The following SLC10A7 variants were observed in gnomAD, a reference collection of about 807,000 sequenced individuals.
SLC10A7 encodes solute carrier family 10 member 7.
In SLC10A7, 29 loss-of-function variants were observed where a neutral mutation model predicts 43.2. That is an observed-to-expected ratio of 0.67 (90% CI 0.50 to 0.92). The LOEUF (loss-of-function observed/expected upper bound fraction) is 0.92. Ranked by LOEUF, SLC10A7 falls within the 40% of genes least tolerant of loss-of-function variation. The pLI, the probability that SLC10A7 is intolerant of heterozygous loss-of-function variation, is 0.00. For synonymous variants in SLC10A7, 152 were observed against 144.8 expected, an observed-to-expected ratio of 1.05 and a Z score of -0.35; for missense variants, 295 against 403.2, an observed-to-expected ratio of 0.73 and a Z score of 2.30.
At chr4:146,303,177 A>G (rs1731274367) in intron 7 of SLC10A7, among the ~76,000 whole-genome samples, 1 of 152,082 alleles carries the variant, frequency 6.6e-6, no homozygotes, top group Non-Finnish European at 1.5e-5. Flanking sequence ...CCGGCTCCAG[A>G]GTTCCCCATG....
intron 5 of SLC10A7, among the ~76,000 whole-genome samples, chr4:146,388,769 C>CAAAACAA (rs55716882): frequency 1.3e-5 from 2 of 148,366 alleles, no homozygotes; most frequent in African/African-American, 5.0e-5. Flanking sequence ...AAAACAACAA[C>CAAAACAA]AACAAAAAAA....
At chr4:146,479,345 C>T (rs187561406) in intron 4 of SLC10A7, among the ~76,000 whole-genome samples, 34 of 152,052 alleles carry the variant, frequency 2.2e-4, no homozygotes, top group Non-Finnish European at 4.0e-4. Context: ...ATTCTAATAC[C>T]CTACTTTATC....
chr4:146,479,597 G>T (rs1734292634), intron 4 of SLC10A7, among the ~76,000 whole-genome samples: 1 of 152,122 alleles, frequency 6.6e-6, no homozygotes. Context: ...TAGACTGGTA[G>T]TTGCCAGAGG....
At chr4:146,489,774 G>A (rs1057004724) in intron 4 of SLC10A7, among the ~76,000 whole-genome samples, 2 of 152,080 alleles carry the variant, frequency 1.3e-5, no homozygotes, top group Non-Finnish European at 2.9e-5. Flanking sequence ...TAAAACCTGA[G>A]ACAGGGCTTT....
At chr4:146,324,823 T>C (rs1347770519) in intron 6 of SLC10A7, among the ~76,000 whole-genome samples, 1 of 152,190 alleles carries the variant, frequency 6.6e-6, no homozygotes, top group Non-Finnish European at 1.5e-5. Flanking sequence ...TCTGCGTTGG[T>C]GAAGTCCATG....
intron 5 of SLC10A7, among the ~76,000 whole-genome samples, chr4:146,331,499 T>G (rs1267435030): frequency 1.3e-5 from 2 of 152,202 alleles, no homozygotes; most frequent in Non-Finnish European, 2.9e-5. Context: ...TTTAGCATAC[T>G]TATTTCAGTA....
chr4:146,263,969 AATGTACAGC>A lies in SLC10A7; in HGVS notation c.848-5141_848-5133del, dbSNP rs1728393227. Among the ~76,000 whole-genome samples, 6 of 152,362 alleles carry A rather than the reference AATGTACAGC, an allele frequency of 3.9e-5. No homozygotes were observed. In the South Asian group the frequency reaches 1.2e-3, roughly 32 times the overall value. Reference sequence around the variant, plus strand: ...TGATCCAAACACTTGGGAAATCACTAATGTACAGCATGCCATATTTCCATGTCACACATG... The same window carrying A: ...TGATCCAAACACTTGGGAAATCACTAATGCCATATTTCCATGTCACACATG... On this transcript the variant is annotated intron_variant, in intron 10 of 11. Coordinates refer to ENST00000335472, the MANE Select transcript of SLC10A7 (RefSeq NM_001029998.6).
chr4:146,491,349 G>T (rs1735397283), intron 4 of SLC10A7, among the ~76,000 whole-genome samples: 2 of 152,138 alleles, frequency 1.3e-5, no homozygotes, highest in Admixed American at 1.3e-4. Flanking sequence ...ACAGACCAAG[G>T]CCAAAAAGTT....
At position 146,521,759 on chromosome 4, in the gene SLC10A7, T is replaced by C. The variant is rs1316895788; in HGVS notation, c.-42A>G. 6.5e-7 allele frequency: 1 copy of C among 1,547,710 alleles called. No individual in the cohort carries two copies. Among genetic ancestry groups the C allele is most frequent in the Non-Finnish European group, 8.9e-7 (1 of 1,120,402 alleles). ...GGGTTTTGTTTATTTGTTTGGCTTT[T>C]TTTCTTTTCAAGCTCCGATCACCTA... On this transcript the variant is annotated 5_prime_UTR_variant, in exon 1 of 12. Coordinates refer to ENST00000335472, the MANE Select transcript of SLC10A7 (RefSeq NM_001029998.6).
intron 5 of SLC10A7, among the ~76,000 whole-genome samples, chr4:146,388,784 C>A (rs1389249842): frequency 1.3e-5 from 2 of 149,382 alleles, no homozygotes; most frequent in Non-Finnish European, 3.0e-5. Context: ...AAAAAAAAAA[C>A]CCTAGAAGAA....
chr4:146,516,199 T>C (rs895076619), intron 2 of SLC10A7, among the ~76,000 whole-genome samples: 1 of 152,162 alleles, frequency 6.6e-6, no homozygotes, highest in African/African-American at 2.4e-5. Flanking sequence ...TGATATTTTA[T>C]GTAATTTCTT....
intron 9 of SLC10A7, among the ~76,000 whole-genome samples, chr4:146,287,529 G>C (rs1363697095): frequency 6.6e-6 from 1 of 152,190 alleles, no homozygotes; most frequent in Non-Finnish European, 1.5e-5. Context: ...TCTTTGTAAA[G>C]TGTGAGCCAA....
rs1727830279 is a variant in SLC10A7 at position 146,255,216 on chromosome 4, C to T, written c.*1275G>A. The T allele has an allele frequency of 6.6e-6, 1 of 152,578 alleles. No homozygotes were observed. Among genetic ancestry groups the T allele is most frequent in the African/African-American group, 2.4e-5 (1 of 41,430 alleles). The allele number at this position is 152,578 out of a possible 1,614,324, so 9.5% of individuals were successfully genotyped here. ...AGTGTTCTCGTAGTTCTATACGTGG[C>T]TTCATTCTCTACTTGGGTCCAGTTA... On this transcript the variant is annotated 3_prime_UTR_variant, in exon 12 of 12. Coordinates refer to ENST00000335472, the MANE Select transcript of SLC10A7 (RefSeq NM_001029998.6).
At chr4:146,509,871 G>A (rs781254661) in intron 3 of SLC10A7, 42 bp downstream of exon 3, 2 of 1,577,222 alleles carry the variant, frequency 1.3e-6, no homozygotes, top group South Asian at 2.3e-5. Context: ...CTCTAGAGAT[G>A]CCCCATTAAA....
chr4:146,267,199 C>T (rs958200620), intron 10 of SLC10A7, among the ~76,000 whole-genome samples: 3 of 152,170 alleles, frequency 2.0e-5, no homozygotes, highest in Non-Finnish European at 4.4e-5. Flanking sequence ...AATTTTCTCT[C>T]CCTTTTAGAG....
At chr4:146,491,517 GAAGAA>G (rs1378771731) in intron 4 of SLC10A7, among the ~76,000 whole-genome samples, 1 of 151,762 alleles carries the variant, frequency 6.6e-6, no homozygotes. Flanking sequence ...AAAAGGAAGA[GAAGAA>G]AAGAAAAGGA....
intron 4 of SLC10A7, among the ~76,000 whole-genome samples, chr4:146,472,685 T>G (rs968965889): frequency 6.6e-6 from 1 of 152,162 alleles, no homozygotes; most frequent in Non-Finnish European, 1.5e-5. Context: ...TATCAACCTG[T>G]GGCAGCTAGA....
intron 3 of SLC10A7, among the ~76,000 whole-genome samples, chr4:146,508,162 A>C (rs868588430): frequency 2.6e-5 from 4 of 152,164 alleles, no homozygotes; most frequent in Non-Finnish European, 4.4e-5. Flanking sequence ...TGAAATCTCT[A>C]CGAGTACCCA....
At chr4:146,325,661 A>G (rs542603243) in intron 6 of SLC10A7, among the ~76,000 whole-genome samples, 24 of 152,270 alleles carry the variant, frequency 1.6e-4, no homozygotes, top group Non-Finnish European at 2.8e-4. Flanking sequence ...AGTTTTACTA[A>G]TGAGAAAATA....
Sources: allele counts gnomAD v4.1 joint callset (sites outside exome capture counted in the v4.1 genomes callset), GRCh38; gene constraint gnomAD v4.1.1; transcripts MANE v1.5; gene names NCBI Gene and HGNC (gene_info 2026-07-23, HGNC 2026-07-21).